DLG1: variants seen among roughly 807,000 people sequenced by gnomAD.
DLG1 encodes discs large MAGUK scaffold protein 1, also known as disks large homolog 1.
DLG1 carries 42 observed loss-of-function variants against 123.4 expected under a neutral mutation model. That is an observed-to-expected ratio of 0.34 (90% CI 0.27 to 0.44). The LOEUF (loss-of-function observed/expected upper bound fraction) is 0.44. DLG1 is among the 20% of genes least tolerant of loss of function. DLG1 has a pLI of 1.00. For synonymous variants in DLG1, 317 were observed against 356.2 expected, an observed-to-expected ratio of 0.89 and a Z score of 1.24; for missense variants, 942 against 1,082.6, an observed-to-expected ratio of 0.87 and a Z score of 1.82.
chr3:197,189,696 G>A lies in DLG1; in HGVS notation c.483+4729C>T, dbSNP rs1011550715. 5.3e-5 allele frequency among the ~76,000 whole-genome samples: 8 copies of A among 152,306 alleles called. No individual in the cohort carries two copies. In the East Asian group the frequency reaches 1.5e-3, roughly 29 times the overall value. On this transcript the variant is annotated intron_variant, in intron 5 of 24. Transcript: ENST00000667157. Reference sequence around the variant, plus strand: ...AGCAAGAGAATGGCCCACAAAGATGGCCAGGTTTTCAGACGCTTCTCATAG... The same window carrying A: ...AGCAAGAGAATGGCCCACAAAGATGACCAGGTTTTCAGACGCTTCTCATAG...
chr3:197,208,616 A>C (rs1729797393), intron 4 of DLG1, among the ~76,000 whole-genome samples: 1 of 142,984 alleles, frequency 7.0e-6, no homozygotes, highest in South Asian at 2.7e-4. Context: ...AATAGAAAAA[A>C]CTCCAGAATA....
At position 197,287,049 on chromosome 3, in the gene DLG1, T is replaced by C. The variant is rs990928465; in HGVS notation, c.152-4204A>G. The stretch of plus-strand genomic sequence containing the variant: ...CACCATGCCTGGTTAAATTTTTTTT[T>C]TTCCTAAGACAGGGTCTTACTATGT... On this transcript the variant is annotated intron_variant, in intron 3 of 24. Transcript: ENST00000667157. 3.0e-4 allele frequency among the ~76,000 whole-genome samples: 45 copies of C among 152,000 alleles called. 2 individuals carry two copies.
At chr3:197,137,781 G>A (rs1319478330) in intron 9 of DLG1, among the ~76,000 whole-genome samples, 2 of 151,900 alleles carry the variant, frequency 1.3e-5, no homozygotes, top group African/African-American at 2.4e-5. Context: ...ACCAGCCTAG[G>A]CAATGCAGGG....
chr3:197,286,406 C>T lies in DLG1; in HGVS notation c.152-3561G>A, dbSNP rs567441885. ...ACCTCAGATCATCAGGCATTAGATT[C>T]TCTCATAAGGAGTGCACAATCTAGA... On this transcript the variant is annotated intron_variant, in intron 3 of 24. Transcript: ENST00000667157. Among the ~76,000 whole-genome samples the T allele has an allele frequency of 8.5e-5, 13 of 152,294 alleles. No homozygotes were observed. In the South Asian group the frequency reaches 2.7e-3, roughly 32 times the overall value.
intron 22 of DLG1, among the ~76,000 whole-genome samples, chr3:197,061,500 G>C (rs1001784472): frequency 6.6e-6 from 1 of 152,150 alleles, no homozygotes; most frequent in Non-Finnish European, 1.5e-5. Context: ...AAATGTCCTG[G>C]TCAAGGATCG....
At chr3:197,292,913 CG>C in intron 3 of DLG1, among the ~76,000 whole-genome samples, 1 of 152,148 alleles carries the variant, frequency 6.6e-6, no homozygotes, top group Admixed American at 6.5e-5. Flanking sequence ...TCTCTGATCC[CG>C]TAAGAAATAA....
At chr3:197,146,708 A>G (rs1383121474) in intron 6 of DLG1, among the ~76,000 whole-genome samples, 1 of 149,284 alleles carries the variant, frequency 6.7e-6, no homozygotes, top group African/African-American at 2.5e-5. Context: ...AGAAGATAAC[A>G]TCAGAAAACC....
At chr3:197,280,161 G>A (rs574860336) in intron 4 of DLG1, among the ~76,000 whole-genome samples, 2 of 152,012 alleles carry the variant, frequency 1.3e-5, no homozygotes, top group South Asian at 2.1e-4. Context: ...CCAGTCTCTG[G>A]TAACTATCAT....
chr3:197,142,630 T>C lies in DLG1; in HGVS notation c.588+88A>G. On this transcript the variant is annotated intron_variant, in intron 7 of 24. Coordinates refer to ENST00000667157, the MANE Select transcript of DLG1 (RefSeq NM_001366207.1). ...ACTTAGAAAATATCATATAGTTCTGTTTTTGAGAGATCTCCCTTGGATTCT... is the reference window on the plus strand; with the variant it reads ...ACTTAGAAAATATCATATAGTTCTGCTTTTGAGAGATCTCCCTTGGATTCT... 2.0e-6 allele frequency: 2 copies of C among 1,001,006 alleles called. 1 individual carries two copies. The highest frequency in any genetic ancestry group is 4.0e-5 in the South Asian group (2 of 50,248). 62.0% of individuals were successfully genotyped at this position (1,001,006 alleles called of 1,614,324 possible).
chr3:197,080,274 T>C (rs1458438997), intron 17 of DLG1, among the ~76,000 whole-genome samples: 4 of 90,704 alleles, frequency 4.4e-5, no homozygotes, highest in Non-Finnish European at 9.2e-5. Context: ...TTCCTTTTTT[T>C]TTTTTTTTTT....
chr3:197,157,425 T>C (rs1230098480), intron 5 of DLG1, among the ~76,000 whole-genome samples: 1 of 152,192 alleles, frequency 6.6e-6, no homozygotes, highest in Non-Finnish European at 1.5e-5. Flanking sequence ...CTGTTTATTA[T>C]AGCATCGAAA....
chr3:197,194,291 A>AT (rs1486483849), intron 5 of DLG1, 134 bp downstream of exon 5: 16 of 469,340 alleles, frequency 3.4e-5, no homozygotes, highest in Middle Eastern at 5.4e-4. Context: ...GAAATTCTCC[A>AT]TAACTATGAA....
chr3:197,080,323 G>A (rs887190040), intron 17 of DLG1, among the ~76,000 whole-genome samples: 1 of 125,414 alleles, frequency 8.0e-6, no homozygotes, highest in Non-Finnish European at 1.6e-5. Context: ...CTGTCACCCA[G>A]GCTGGAGAGC....
chr3:197,229,069 C>T (rs1184764879), intron 4 of DLG1, among the ~76,000 whole-genome samples: 3 of 152,120 alleles, frequency 2.0e-5, no homozygotes, highest in South Asian at 2.1e-4. Context: ...AAAGAGTCTA[C>T]GGGCATCTAG....
chr3:197,140,660 G>A (rs776518080), intron 7 of DLG1, among the ~76,000 whole-genome samples: 1 of 152,126 alleles, frequency 6.6e-6, no homozygotes, highest in South Asian at 2.1e-4. Flanking sequence ...TGATCTTCCC[G>A]CTGTTATTTC....
intron 3 of DLG1, 67 bp from the exon 4 acceptor site, chr3:197,282,912 C>CA (rs1308840934): frequency 3.0e-5 from 29 of 961,012 alleles, no homozygotes; most frequent in African/African-American, 1.7e-5. Context: ...AATGCTATAA[C>CA]AACATAACTC....
intron 4 of DLG1, among the ~76,000 whole-genome samples, chr3:197,245,830 G>C (rs778500275): frequency 6.2e-4 from 92 of 148,994 alleles, no homozygotes; most frequent in Non-Finnish European, 1.0e-3. Context: ...TGGTCTGCGA[G>C]GTTATTCCCT....
intron 14 of DLG1, among the ~76,000 whole-genome samples, chr3:197,102,473 G>A (rs1358460144): frequency 6.6e-6 from 1 of 152,170 alleles, no homozygotes; most frequent in Admixed American, 6.5e-5. Context: ...CTTAAAATCC[G>A]ATTTGTGTTA....
chr3:197,195,798 AG>A (rs1193793786), intron 4 of DLG1, among the ~76,000 whole-genome samples: 1 of 145,542 alleles, frequency 6.9e-6, no homozygotes, highest in Non-Finnish European at 1.5e-5. Flanking sequence ...CCTTGGTGAC[AG>A]GATCATTCCT....
Sources: allele counts gnomAD v4.1 joint callset (sites outside exome capture counted in the v4.1 genomes callset), GRCh38; gene constraint gnomAD v4.1.1; transcripts MANE v1.5; gene names NCBI Gene and HGNC (gene_info 2026-07-23, HGNC 2026-07-21).